The following HOMER1 variants were observed in gnomAD, a reference collection of about 807,000 sequenced individuals.
The protein encoded by HOMER1 is homer protein homolog 1.
In HOMER1, 3 loss-of-function variants were observed where a neutral mutation model predicts 48.9. The ratio of observed to expected loss-of-function variants is 0.06; its 90% CI spans 0.03 to 0.16. HOMER1 has a LOEUF of 0.16. Among genes scored for constraint, HOMER1 ranks in the 10% least tolerant of loss-of-function variants. The probability of loss-of-function intolerance (pLI) is 1.00; values close to 1 mark genes in which losing one functional copy is unlikely to be tolerated. For synonymous variants in HOMER1, 134 were observed against 146.4 expected, an observed-to-expected ratio of 0.92 and a Z score of 0.61; for missense variants, 247 against 411.4, an observed-to-expected ratio of 0.60 and a Z score of 3.46.
At chr5:79,471,206 A>G (rs78621417) in intron 1 of HOMER1, among the ~76,000 whole-genome samples, 11,062 of 152,190 alleles carry the variant, frequency 0.073, 998 homozygotes, top group East Asian at 0.23. Context: ...GAACTCCCCA[A>G]TGGCTTCCCA....
chr5:79,503,759 G>A (rs905919556), intron 1 of HOMER1, among the ~76,000 whole-genome samples: 2 of 151,270 alleles, frequency 1.3e-5, no homozygotes, highest in Non-Finnish European at 2.9e-5. Context: ...AAAATCATAA[G>A]TAAGAGAAAA....
At chr5:79,376,837 GA>G (rs1239118475) in intron 8 of HOMER1, among the ~76,000 whole-genome samples, 1 of 151,592 alleles carries the variant, frequency 6.6e-6, no homozygotes, top group South Asian at 2.1e-4. Context: ...CAAACCAAGG[GA>G]AAAAAATGAC....
chr5:79,509,493 G>C (rs1252481949), intron 1 of HOMER1, among the ~76,000 whole-genome samples: 2 of 151,988 alleles, frequency 1.3e-5, no homozygotes, highest in African/African-American at 2.4e-5. Context: ...ACTATTTGGA[G>C]GTGGGGGTGG....
At position 79,473,442 on chromosome 5, in the gene HOMER1, A is replaced by G. The variant is rs190395888; in HGVS notation, c.6-16424T>C. On this transcript the variant is annotated intron_variant, in intron 1 of 8. Coordinates refer to ENST00000334082, the MANE Select transcript of HOMER1 (RefSeq NM_004272.5). ...CCAAAAGATTGGACACCCTTGTACTAAAGACTTTGTATTTGGCAGACATTC... is the reference window on the plus strand; with the variant it reads ...CCAAAAGATTGGACACCCTTGTACTGAAGACTTTGTATTTGGCAGACATTC... 1.2e-3 allele frequency among the ~76,000 whole-genome samples: 183 copies of G among 152,340 alleles called. 1 individual carries two copies. The Middle Eastern group carries it at 0.014, about 11-fold the overall frequency.
chr5:79,425,530 A>G (rs1750222831), intron 5 of HOMER1, among the ~76,000 whole-genome samples: 1 of 152,108 alleles, frequency 6.6e-6, no homozygotes, highest in South Asian at 2.1e-4. Context: ...CTGAACATCT[A>G]GTAGATCACA....
At chr5:79,442,123 T>C (rs1250491156) in intron 4 of HOMER1, among the ~76,000 whole-genome samples, 1 of 152,142 alleles carries the variant, frequency 6.6e-6, no homozygotes, top group East Asian at 1.9e-4. Flanking sequence ...ATTTTTTTTC[T>C]GAGAAACTCT....
chr5:79,462,929 T>G (rs2112311447), intron 1 of HOMER1, among the ~76,000 whole-genome samples: 1 of 152,320 alleles, frequency 6.6e-6, no homozygotes, highest in South Asian at 2.1e-4. Flanking sequence ...AGCTTAGAAG[T>G]ATCCTTTTCA....
intron 1 of HOMER1, among the ~76,000 whole-genome samples, chr5:79,486,991 T>A (rs1349117888): frequency 1.3e-5 from 2 of 152,156 alleles, no homozygotes; most frequent in Non-Finnish European, 2.9e-5. Context: ...ATTGAAAGAA[T>A]ACATTTTGGC....
At chr5:79,414,133 G>A (rs1749879192) in intron 5 of HOMER1, among the ~76,000 whole-genome samples, 4 of 152,090 alleles carry the variant, frequency 2.6e-5, no homozygotes, top group Non-Finnish European at 5.9e-5. Flanking sequence ...TGTTACCCAG[G>A]CTGGAGTGCA....
At chr5:79,437,115 G>C (rs1750603376) in intron 5 of HOMER1, among the ~76,000 whole-genome samples, 1 of 152,124 alleles carries the variant, frequency 6.6e-6, no homozygotes, top group Non-Finnish European at 1.5e-5. Context: ...ATTCCAGGTA[G>C]TAACTCCAAA....
chr5:79,494,254 C>T (rs536407274), intron 1 of HOMER1, among the ~76,000 whole-genome samples: 2 of 152,300 alleles, frequency 1.3e-5, no homozygotes, highest in African/African-American at 4.8e-5. Flanking sequence ...CTATCCTCAG[C>T]CCAGTTCTCT....
At chr5:79,417,928 T>C (rs1375933219) in intron 5 of HOMER1, among the ~76,000 whole-genome samples, 2 of 152,224 alleles carry the variant, frequency 1.3e-5, no homozygotes, top group African/African-American at 2.4e-5. Context: ...TGAAAAGATA[T>C]GGATAATTTT....
intron 5 of HOMER1, among the ~76,000 whole-genome samples, chr5:79,426,058 A>C (rs544215098): frequency 2.0e-5 from 3 of 151,704 alleles, no homozygotes; most frequent in Admixed American, 6.6e-5. Context: ...AAAAAAAAAA[A>C]CCCTTTAGTG....
rs202088885 is a variant in HOMER1 at position 79,438,991 on chromosome 5, T to G, written c.527+19A>C. On this transcript the variant is annotated intron_variant, in intron 5 of 8. Coordinates refer to ENST00000334082, the MANE Select transcript of HOMER1 (RefSeq NM_004272.5). Reference sequence around the variant, plus strand: ...ATTTACACATTTACTTAATCATAATTGCTGAATTGAATCTGTACCTATGTG... The same window carrying G: ...ATTTACACATTTACTTAATCATAATGGCTGAATTGAATCTGTACCTATGTG... 8.0e-5 allele frequency: 129 copies of G among 1,607,728 alleles called. No homozygotes were observed. The highest frequency in any genetic ancestry group is 1.0e-4 in the Non-Finnish European group (119 of 1,174,794).
At position 79,450,993 on chromosome 5, in the gene HOMER1, C is replaced by T. The variant is rs1365049685; in HGVS notation, c.291G>A (p.Ser97=). The T allele has an allele frequency of 8.1e-6, 13 of 1,611,812 alleles. No homozygotes were observed. Among genetic ancestry groups the T allele is most frequent in the South Asian group, 1.1e-5 (1 of 90,762 alleles). ...CAAATTTTATGATTTAACTCACTTTCGAAAGATGATGCTCAGAGGAGAATC... is the reference window on the plus strand; with the variant it reads ...CAAATTTTATGATTTAACTCACTTTTGAAAGATGATGCTCAGAGGAGAATC... The part of the protein sequence containing the change: ...GLGFSSEHHL[S]KFAEKFQEFK... Residue 97 remains serine, a synonymous_variant, in exon 3 of 9, where the codon TCG becomes TCA. Transcript: ENST00000334082.
chr5:79,489,192 G>A (rs1351286808), intron 1 of HOMER1, among the ~76,000 whole-genome samples: 3 of 152,190 alleles, frequency 2.0e-5, no homozygotes, highest in South Asian at 4.1e-4. Context: ...ATAGCACTAT[G>A]AGGATTCAGG....
chr5:79,411,157 T>C (rs7713033), intron 5 of HOMER1, among the ~76,000 whole-genome samples: 28,590 of 152,124 alleles, frequency 0.19, 3,697 homozygotes, highest in East Asian at 0.42. Context: ...GAAAGGTTCC[T>C]TAAACTGGAA....
chr5:79,477,585 G>A (rs751365513), intron 1 of HOMER1, among the ~76,000 whole-genome samples: 10 of 152,262 alleles, frequency 6.6e-5, no homozygotes, highest in Non-Finnish European at 1.0e-4. Flanking sequence ...GGAGGTTCTC[G>A]GATTATCCAA....
At chr5:79,464,068 A>G (rs1751389281) in intron 1 of HOMER1, among the ~76,000 whole-genome samples, 1 of 152,146 alleles carries the variant, frequency 6.6e-6, no homozygotes, top group African/African-American at 2.4e-5. Context: ...TTAACCTTGT[A>G]TAGGTATTAA....
Sources: allele counts gnomAD v4.1 joint callset (sites outside exome capture counted in the v4.1 genomes callset), GRCh38; gene constraint gnomAD v4.1.1; transcripts MANE v1.5; gene names NCBI Gene and HGNC (gene_info 2026-07-23, HGNC 2026-07-21).